The following RANBP2 variants were observed in gnomAD, a reference collection of about 807,000 sequenced individuals.
RANBP2 encodes the protein RAN binding protein 2.
In RANBP2, 57 loss-of-function variants were observed where a neutral mutation model predicts 303.6. The ratio of observed to expected loss-of-function variants is 0.19; its 90% CI spans 0.15 to 0.23. RANBP2 has a LOEUF of 0.23. Among genes scored for constraint, RANBP2 ranks in the 10% least tolerant of loss-of-function variants. The pLI, the probability that RANBP2 is intolerant of heterozygous loss-of-function variation, is 1.00. For synonymous variants in RANBP2, 1,167 were observed against 1,301.5 expected, an observed-to-expected ratio of 0.90 and a Z score of 2.23; for missense variants, 3,138 against 3,780.8, an observed-to-expected ratio of 0.83 and a Z score of 4.46.
At chr2:109,208,069 G>A in the RANBP2 span, among the ~76,000 whole-genome samples, 2 of 152,034 alleles carry the variant, frequency 1.3e-5, no homozygotes, top group Non-Finnish European at 2.9e-5. Flanking sequence ...AAATATTTAC[G>A]GAATGCCTGT....
At chr2:109,079,742 A>T in the RANBP2 span, among the ~76,000 whole-genome samples, 3 of 152,174 alleles carry the variant, frequency 2.0e-5, no homozygotes, top group Non-Finnish European at 4.4e-5. Flanking sequence ...GGTGGAGCCC[A>T]CCCAGCTCAG....
the RANBP2 span, among the ~76,000 whole-genome samples, chr2:108,920,511 C>T: frequency 6.6e-6 from 1 of 152,074 alleles, no homozygotes; most frequent in African/African-American, 2.4e-5. Flanking sequence ...GAAAAATAAC[C>T]GAAGGCCTTT....
At chr2:109,191,883 T>C in the RANBP2 span, among the ~76,000 whole-genome samples, 1 of 152,080 alleles carries the variant, frequency 6.6e-6, no homozygotes, top group East Asian at 1.9e-4. Context: ...TTTTGAAACC[T>C]TTACTATTAT....
chr2:109,547,461 T>A, the RANBP2 span, among the ~76,000 whole-genome samples: 8 of 148,748 alleles, frequency 5.4e-5, no homozygotes, highest in Non-Finnish European at 5.9e-5. Flanking sequence ...AACTGTTAAA[T>A]GAGTTTCAAG....
the RANBP2 span, among the ~76,000 whole-genome samples, chr2:108,824,366 A>T: frequency 6.6e-6 from 1 of 152,126 alleles, no homozygotes; most frequent in Non-Finnish European, 1.5e-5. Flanking sequence ...TTTTTATTTT[A>T]GTTTTTACTT....
At chr2:109,665,408 T>C in the RANBP2 span, 2 of 148,740 alleles carry the variant, frequency 1.3e-5, no homozygotes, top group East Asian at 4.0e-4. Flanking sequence ...AATGGTGGGA[T>C]CTTGGCTCAC....
chr2:109,132,580 T>C, the RANBP2 span, among the ~76,000 whole-genome samples: 29 of 152,322 alleles, frequency 1.9e-4, no homozygotes, highest in Admixed American at 9.1e-4. Context: ...CGAGTACCCA[T>C]AGCCTAAGAT....
chr2:108,979,526 T>TG, the RANBP2 span, among the ~76,000 whole-genome samples: 3 of 150,128 alleles, frequency 2.0e-5, no homozygotes, highest in South Asian at 6.3e-4. Context: ...GGAGCTGAAG[T>TG]GGGGGCTGGA....
chr2:109,074,699 C>A, the RANBP2 span, among the ~76,000 whole-genome samples: 4 of 149,472 alleles, frequency 2.7e-5, 1 homozygote, highest in Non-Finnish European at 6.0e-5. Flanking sequence ...GACTGCATCT[C>A]AAATAATAAT....
the RANBP2 span, among the ~76,000 whole-genome samples, chr2:109,466,707 C>A: frequency 6.6e-6 from 1 of 152,146 alleles, no homozygotes. Flanking sequence ...CATAGTTTTG[C>A]ATTTTACATT....
In RANBP2 at chr2:108,746,354, T is replaced by G. The variant is rs1284418298; in HGVS notation, c.976-357T>G. Among the ~76,000 whole-genome samples the G allele has an allele frequency of 2.0e-5, 3 of 151,304 alleles. No individual in the cohort carries two copies. In the East Asian group the frequency reaches 5.8e-4, roughly 29 times the overall value. On this transcript the variant is annotated intron_variant, in intron 7 of 28. Coordinates refer to ENST00000283195, the MANE Select transcript of RANBP2 (RefSeq NM_006267.5). ...CAGCCTTCCATGTAGCTGGAATTAA[T>G]AGGTGTGTGCCACCACGCCTGGCTC...
the RANBP2 span, among the ~76,000 whole-genome samples, chr2:109,494,455 G>C: frequency 2.0e-5 from 3 of 152,196 alleles, no homozygotes; most frequent in Non-Finnish European, 4.4e-5. Flanking sequence ...GCAGGTCGGA[G>C]CTGAGGGCAT....
At chr2:108,943,621 C>T in the RANBP2 span, among the ~76,000 whole-genome samples, 1 of 152,124 alleles carries the variant, frequency 6.6e-6, no homozygotes, top group African/African-American at 2.4e-5. Context: ...CTTCCGAGCA[C>T]AACAGAATGT....
At chr2:109,219,047 T>G in the RANBP2 span, among the ~76,000 whole-genome samples, 1 of 152,174 alleles carries the variant, frequency 6.6e-6, no homozygotes, top group Non-Finnish European at 1.5e-5. Flanking sequence ...GGGGGCTCAG[T>G]CCTCATTTAG....
the RANBP2 span, among the ~76,000 whole-genome samples, chr2:109,517,705 A>T: frequency 1.3e-5 from 2 of 152,080 alleles, no homozygotes; most frequent in Non-Finnish European, 1.5e-5. Flanking sequence ...TTCTGGCTGG[A>T]GGTTCTGATC....
At chr2:109,455,527 A>AT in the RANBP2 span, among the ~76,000 whole-genome samples, 1 of 103,568 alleles carries the variant, frequency 9.7e-6, no homozygotes, top group Non-Finnish European at 2.2e-5. Flanking sequence ...TATGTGTGTT[A>AT]CTATGGCATA....
chr2:109,221,130 A>G, the RANBP2 span, among the ~76,000 whole-genome samples: 1 of 152,230 alleles, frequency 6.6e-6, no homozygotes, highest in Non-Finnish European at 1.5e-5. Flanking sequence ...CATTATGCTG[A>G]GTGAAATAAG....
At chr2:108,923,451 T>C in the RANBP2 span, 1 of 1,614,048 alleles carries the variant, frequency 6.2e-7, no homozygotes, top group Non-Finnish European at 8.5e-7. Flanking sequence ...CAGCATGTAG[T>C]AGCTACGGGG....
At chr2:108,734,926 G>T (rs1347041674) in intron 4 of RANBP2, among the ~76,000 whole-genome samples, 1 of 152,152 alleles carries the variant, frequency 6.6e-6, no homozygotes, top group Non-Finnish European at 1.5e-5. Flanking sequence ...GCACGGTGGT[G>T]CATGCCTGTG....
Sources: allele counts gnomAD v4.1 joint callset (sites outside exome capture counted in the v4.1 genomes callset), GRCh38; gene constraint gnomAD v4.1.1; transcripts MANE v1.5; gene names NCBI Gene and HGNC (gene_info 2026-07-23, HGNC 2026-07-21).